POLR3E: variants seen among roughly 807,000 people sequenced by gnomAD.
The protein encoded by POLR3E is RNA polymerase III subunit E, also known as DNA-directed RNA polymerase III subunit RPC5.
A neutral mutation model predicts 96.6 loss-of-function variants in POLR3E; 41 were observed. The observed-to-expected ratio is 0.42, with a 90% CI of 0.33 to 0.55. The LOEUF (loss-of-function observed/expected upper bound fraction) is 0.55. Among genes scored for constraint, POLR3E ranks in the 20% least tolerant of loss-of-function variants. POLR3E has a pLI of 0.06. For missense variants in POLR3E, 849 were observed against 952.1 expected, an observed-to-expected ratio of 0.89 and a Z score of 1.43; for synonymous variants, 396 against 383.6, an observed-to-expected ratio of 1.03 and a Z score of -0.38.
rs182452159 is a variant in POLR3E, at chr16:22,297,930, A to C, written c.-39+393A>C. Reference sequence around the variant, plus strand: ...GCCTGACCACCCGCGAGGGAGCAGAAACCCATTGGACAGCGAGGCTCGGGA... The same window carrying C: ...GCCTGACCACCCGCGAGGGAGCAGACACCCATTGGACAGCGAGGCTCGGGA... On this transcript the variant is annotated intron_variant, in intron 1 of 20. Transcript: ENST00000299853. 6.5e-4 allele frequency among the ~76,000 whole-genome samples: 99 copies of C among 152,324 alleles called. 1 individual carries two copies. The East Asian group carries it at 0.014, about 21-fold the overall frequency.
rs926827238 is a variant in POLR3E, at chr16:22,322,676, G to A, written c.987-174G>A. On this transcript the variant is annotated intron_variant, in intron 13 of 20. Coordinates refer to ENST00000299853, the MANE Select transcript of POLR3E (RefSeq NM_018119.4). This position sits in a 1 kb window ranked among gnomAD's most constrained non-coding sequence, Gnocchi z 5.2. Reference sequence around the variant, plus strand: ...GGGGGGATGTGTGGGGTAGAGGGGTGCTTCTTTCCCATGTCTGTGTTCACA... The same window carrying A: ...GGGGGGATGTGTGGGGTAGAGGGGTACTTCTTTCCCATGTCTGTGTTCACA... Among the ~76,000 whole-genome samples the A allele has an allele frequency of 6.6e-6, 1 of 152,068 alleles. No individual in the cohort carries two copies.
intron 10 of POLR3E, 87 bp from the exon 11 acceptor site, chr16:22,316,908 C>T (rs752455275): frequency 7.5e-5 from 109 of 1,453,106 alleles, no homozygotes; most frequent in Non-Finnish European, 9.3e-5. Context: ...TGTCTGCACC[C>T]TCTCCCCAGA....
intron 14 of POLR3E, 84 bp from the exon 15 acceptor site, chr16:22,324,270 C>T (rs1286175900): frequency 3.5e-6 from 4 of 1,130,638 alleles, no homozygotes; most frequent in Non-Finnish European, 5.4e-6. Context: ...GGCTCCAGCT[C>T]CCAGGCCTGC....
At chr16:22,304,264 G>A (rs889694549) in intron 2 of POLR3E, among the ~76,000 whole-genome samples, 5 of 152,216 alleles carry the variant, frequency 3.3e-5, no homozygotes, top group African/African-American at 4.8e-5. Context: ...CCAGTGGGAA[G>A]GGCAGGGGCA....
chr16:22,326,128 A>T lies in POLR3E; in HGVS notation c.1716A>T (p.Arg572Ser). 1 of 1,613,858 alleles carries T rather than the reference A, an allele frequency of 6.2e-7. No homozygotes were observed. Among genetic ancestry groups the T allele is most frequent in the Non-Finnish European group, 8.5e-7 (1 of 1,179,978 alleles). Residue 572 changes from arginine (R) to serine (S), a missense_variant, in exon 18 of 21, where the codon AGA (arginine) becomes AGT (serine). By Grantham distance (110) the Arg-to-Ser change is moderately radical (BLOSUM62 -1). Coordinates refer to ENST00000299853, the MANE Select transcript of POLR3E (RefSeq NM_018119.4). ...CCTTCGTGGAGGCCACCTTTCAGAG[A>T]CAGTTTGTGCTCACGCTGAGCGAAC... ...LKAFVEATFQ[R>S]QFVLTLSELK...
intron 18 of POLR3E, chr16:22,326,514 G>A (rs948304371): frequency 1.7e-5 from 10 of 583,092 alleles, no homozygotes; most frequent in East Asian, 2.9e-5. Flanking sequence ...CTGAAGGCCC[G>A]GCCTATTGCC....
At position 22,318,496 on chromosome 16, in the gene POLR3E, C is replaced by T. The variant is rs113274725; in HGVS notation, c.866-330C>T. On this transcript the variant is annotated intron_variant, in intron 12 of 20. Coordinates refer to ENST00000299853, the MANE Select transcript of POLR3E (RefSeq NM_018119.4). This position sits in a 1 kb window ranked among gnomAD's most constrained non-coding sequence, Gnocchi z 5.0. ...GGAGCCAAGTGGCTTGGGTTCACTTCCTGGCTCTGCTACTTCCTAGCCAAG... is the reference window on the plus strand; with the variant it reads ...GGAGCCAAGTGGCTTGGGTTCACTTTCTGGCTCTGCTACTTCCTAGCCAAG... 2.6e-5 allele frequency among the ~76,000 whole-genome samples: 4 copies of T among 152,334 alleles called. No homozygotes were observed. The South Asian group carries it at 8.3e-4, about 32-fold the overall frequency.
In POLR3E at chr16:22,326,059, G is replaced by A. The variant is rs144892562; in HGVS notation, c.1647G>A (p.Pro549=). The change falls in exon 18 of 21, where the codon CCG becomes CCA. Residue 549 remains proline, a synonymous_variant. Coordinates refer to ENST00000299853, the MANE Select transcript of POLR3E (RefSeq NM_018119.4). ...AAGTDSFNGH[P]PQGCASTPVA... ...GCACAGACAGCTTCAACGGGCACCCGCCCCAGGGCTGCGCCAGCACCCCTG... is the reference window on the plus strand; with the variant it reads ...GCACAGACAGCTTCAACGGGCACCCACCCCAGGGCTGCGCCAGCACCCCTG... 8.7e-4 allele frequency: 1,398 copies of A among 1,608,264 alleles called. 6 individuals carry two copies. The highest frequency in any genetic ancestry group is 1.0e-3 in the Non-Finnish European group (1,234 of 1,176,252).
chr16:22,297,733 C>T (rs991219571), intron 1 of POLR3E, among the ~76,000 whole-genome samples, 196 bp downstream of exon 1: 2 of 152,240 alleles, frequency 1.3e-5, no homozygotes, highest in Non-Finnish European at 2.9e-5. Context: ...CTTCCTTGAC[C>T]TGACACCTGG....
At position 22,309,503 on chromosome 16, in the gene POLR3E, C is replaced by T; in HGVS notation, c.357C>T (p.Tyr119=). The change falls in exon 6 of 21, where the codon TAC becomes TAT. Residue 119 remains tyrosine, a synonymous_variant. Transcript: ENST00000299853. ...SNTSRYAAAL[Y]RQGELHLTPL... is the part of the protein sequence containing the mutation. ...CATCCCGTTATGCCGCTGCACTCTACAGGCAAGGTACCCGGGGCTGGGTGT... is the reference window on the plus strand; with the variant it reads ...CATCCCGTTATGCCGCTGCACTCTATAGGCAAGGTACCCGGGGCTGGGTGT... The T allele has an allele frequency of 6.2e-7, 1 of 1,612,624 alleles. No individual in the cohort carries two copies. The highest frequency in any genetic ancestry group is 8.5e-7 in the Non-Finnish European group (1 of 1,178,812).
chr16:22,300,606 C>T (rs568768080), intron 1 of POLR3E, among the ~76,000 whole-genome samples: 2 of 152,320 alleles, frequency 1.3e-5, no homozygotes, highest in South Asian at 2.1e-4. Context: ...ACTTGGCAGC[C>T]GGTGCAGATG....
chr16:22,330,824 A>G (rs2048721982), intron 19 of POLR3E, among the ~76,000 whole-genome samples: 1 of 152,112 alleles, frequency 6.6e-6, no homozygotes, highest in South Asian at 2.1e-4. Context: ...GCAAAAAAAA[A>G]GGAGAATCAA....
At chr16:22,320,180 A>T (rs570409435) in intron 13 of POLR3E, among the ~76,000 whole-genome samples, 113 of 152,120 alleles carry the variant, frequency 7.4e-4, no homozygotes, top group Middle Eastern at 3.4e-3. Flanking sequence ...GTATATATAT[A>T]TTTTTTTACC....
chr16:22,328,660 C>G, intron 19 of POLR3E, 73 bp downstream of exon 19: 1 of 1,182,484 alleles, frequency 8.5e-7, no homozygotes. Context: ...CCTTGGGGGA[C>G]ATGTGCACCC....
At chr16:22,307,062 G>T (rs770227520) in intron 3 of POLR3E, among the ~76,000 whole-genome samples, 2 of 152,162 alleles carry the variant, frequency 1.3e-5, no homozygotes, top group Non-Finnish European at 2.9e-5. Context: ...AGTGACCCCC[G>T]TGTGTCCAGA....
At chr16:22,303,807 ATTTTTTTTTT>A (rs56737281) in intron 2 of POLR3E, among the ~76,000 whole-genome samples, 2 of 110,794 alleles carry the variant, frequency 1.8e-5, no homozygotes, top group Non-Finnish European at 3.5e-5. Context: ...CGCCCGACTA[ATTTTTTTTTT>A]TTTTTTTTTT....
intron 20 of POLR3E, among the ~76,000 whole-genome samples, chr16:22,333,014 G>A (rs1187828014): frequency 2.2e-5 from 2 of 92,548 alleles, no homozygotes; most frequent in Admixed American, 1.8e-4. Flanking sequence ...TGCTCTTGTT[G>A]CCCAGGCTAG....
intron 16 of POLR3E, among the ~76,000 whole-genome samples, chr16:22,324,919 C>T (rs563368034): frequency 7.2e-5 from 11 of 152,164 alleles, no homozygotes; most frequent in African/African-American, 2.4e-4. Context: ...TCAGGGTGGC[C>T]GTGCTCTGAG....
At chr16:22,305,301 G>C in intron 3 of POLR3E, 95 bp downstream of exon 3, 1 of 899,282 alleles carries the variant, frequency 1.1e-6, no homozygotes, top group East Asian at 2.4e-5. Flanking sequence ...GGAAACCTCA[G>C]CTAGGGTTCT....
Sources: allele counts gnomAD v4.1 joint callset (sites outside exome capture counted in the v4.1 genomes callset), GRCh38; gene constraint gnomAD v4.1.1; non-coding constraint Gnocchi (gnomAD v3.1); transcripts MANE v1.5; gene names NCBI Gene and HGNC (gene_info 2026-07-23, HGNC 2026-07-21).